The following RELN variants were observed in gnomAD, a reference collection of about 807,000 sequenced individuals.
RELN encodes reelin.
In RELN, 108 loss-of-function variants were observed where a neutral mutation model predicts 427.6. The ratio of observed to expected loss-of-function variants is 0.25; its 90% CI spans 0.22 to 0.30. RELN has a LOEUF of 0.30. Ranked by LOEUF, RELN falls within the 10% of genes least tolerant of loss-of-function variation. RELN has a pLI of 1.00. For synonymous variants in RELN, 1,524 were observed against 1,513.4 expected (o/e 1.01, Z -0.16); for missense variants, 3,715 against 4,302.8 (o/e 0.86, Z 3.82).
intron 7 of RELN, among the ~76,000 whole-genome samples, chr7:103,723,694 G>C (rs1790133688): frequency 6.6e-6 from 1 of 152,160 alleles, no homozygotes; most frequent in African/African-American, 2.4e-5. Flanking sequence ...CTTTGTGGAG[G>C]GGTGTGATGA....
At chr7:103,882,717 T>C (rs986994654) in intron 2 of RELN, among the ~76,000 whole-genome samples, 29 of 152,058 alleles carry the variant, frequency 1.9e-4, no homozygotes, top group Non-Finnish European at 3.4e-4. Flanking sequence ...CCTGGACACA[T>C]ACACCCTCCC....
At chr7:103,498,517 A>G (rs1828914612) in intron 53 of RELN, among the ~76,000 whole-genome samples, 1 of 151,842 alleles carries the variant, frequency 6.6e-6, no homozygotes, top group Non-Finnish European at 1.5e-5. Context: ...TTTGAGACGA[A>G]GTCTTGCTCT....
At chr7:103,739,163 T>C (rs549961732) in intron 6 of RELN, among the ~76,000 whole-genome samples, 2 of 152,188 alleles carry the variant, frequency 1.3e-5, no homozygotes, top group South Asian at 2.1e-4. Context: ...CTGTTAGGTA[T>C]AATTATTTTT....
In RELN at chr7:103,843,208, A is replaced by T. The variant is rs577193043; in HGVS notation, c.338-9536T>A. ...AGATAAAGGAACCAAGACTCAGGAA[A>T]TTTTTTTTTTTTAGGAGACAGGGTC... On this transcript the variant is annotated intron_variant, in intron 2 of 64. Transcript: ENST00000428762. Among the ~76,000 whole-genome samples, 9 of 147,138 alleles carry T rather than the reference A, an allele frequency of 6.1e-5. No individual in the cohort carries two copies. In the South Asian group the frequency reaches 6.5e-4, roughly 11 times the overall value.
At chr7:103,882,268 T>G (rs2116563935) in intron 2 of RELN, among the ~76,000 whole-genome samples, 1 of 152,312 alleles carries the variant, frequency 6.6e-6, no homozygotes, top group South Asian at 2.1e-4. Flanking sequence ...TATTTGCTCT[T>G]GAGTGTGTCC....
chr7:103,884,845 C>G (rs993821426), intron 2 of RELN, among the ~76,000 whole-genome samples: 2 of 152,142 alleles, frequency 1.3e-5, no homozygotes, highest in Admixed American at 6.5e-5. Context: ...GGAGTGTAAA[C>G]TAGTTCAACC....
chr7:103,524,113 C>T (rs375737582), intron 46 of RELN, among the ~76,000 whole-genome samples: 7 of 152,166 alleles, frequency 4.6e-5, no homozygotes, highest in African/African-American at 9.7e-5. Flanking sequence ...GAAACAAAAA[C>T]GAATCCTAAA....
intron 3 of RELN, among the ~76,000 whole-genome samples, chr7:103,818,886 C>T (rs537462281): frequency 1.1e-4 from 16 of 150,950 alleles, no homozygotes; most frequent in Non-Finnish European, 2.1e-4. Flanking sequence ...TGAACACACA[C>T]ATATTTATTG....
rs768408251 is a variant in RELN at position 103,603,255 on chromosome 7, T to G, written c.3333+49A>C. 2.1e-6 allele frequency: 3 copies of G among 1,429,104 alleles called. No individual in the cohort carries two copies. In the South Asian group the frequency reaches 3.4e-5, roughly 16 times the overall value. The allele number at this position is 1,429,104 out of a possible 1,614,324, so 88.5% of individuals were successfully genotyped here. A position where few individuals can be genotyped will look rare whatever the true frequency, so the allele number is the denominator to read the frequency against. ...TGTACATTTGGAATTCAGAGTCTCA[T>G]ATTAAACTAGCCATTGCCCCGATGA... On this transcript the variant is annotated intron_variant, in intron 24 of 64. Transcript: ENST00000428762. The surrounding 1 kb of genome is among the most constrained non-coding windows in gnomAD (Gnocchi z 4.3).
At chr7:103,565,240 C>T in intron 34 of RELN, 38 bp downstream of exon 34, 1 of 1,610,736 alleles carries the variant, frequency 6.2e-7, no homozygotes, top group Non-Finnish European at 8.5e-7. Flanking sequence ...GTGACAGGCA[C>T]CCAAAGTTCT....
At chr7:103,869,759 T>G (rs1180084405) in intron 2 of RELN, among the ~76,000 whole-genome samples, 1 of 152,202 alleles carries the variant, frequency 6.6e-6, no homozygotes, top group Non-Finnish European at 1.5e-5. Flanking sequence ...TAACATTTGC[T>G]GAGCTTCTTG....
At chr7:103,641,989 A>G (rs1402398321) in intron 16 of RELN, among the ~76,000 whole-genome samples, 2 of 152,180 alleles carry the variant, frequency 1.3e-5, no homozygotes, top group African/African-American at 2.4e-5. Context: ...AAAAAGTTGC[A>G]ATTAAGAATT....
chr7:103,490,889 G>C, intron 58 of RELN, 60 bp from the exon 59 acceptor site: 1 of 1,548,322 alleles, frequency 6.5e-7, no homozygotes, highest in East Asian at 2.2e-5. Context: ...ATCTGTTAAT[G>C]TCAAGGTAAT....
chr7:103,802,432 TA>T (rs1792491095), intron 3 of RELN, among the ~76,000 whole-genome samples: 1 of 152,180 alleles, frequency 6.6e-6, no homozygotes, highest in South Asian at 2.1e-4. Context: ...ATTATTACTG[TA>T]AAACAAATCA....
At chr7:103,622,775 C>T (rs79917119) in intron 20 of RELN, among the ~76,000 whole-genome samples, 6,139 of 152,248 alleles carry the variant, frequency 0.04, 172 homozygotes, top group East Asian at 0.14. Flanking sequence ...ATTTCTCTTA[C>T]CCTAACAGCA....
intron 6 of RELN, among the ~76,000 whole-genome samples, chr7:103,734,863 A>G (rs1356575911): frequency 1.3e-5 from 2 of 152,192 alleles, no homozygotes; most frequent in Non-Finnish European, 2.9e-5. Flanking sequence ...TTTCTTAAAA[A>G]CTGTTTTTTC....
intron 11 of RELN, among the ~76,000 whole-genome samples, chr7:103,663,825 G>A (rs1171413345): frequency 6.6e-6 from 1 of 152,160 alleles, no homozygotes; most frequent in Non-Finnish European, 1.5e-5. Context: ...CACTTTAAAT[G>A]CCCAAAATAT....
intron 6 of RELN, among the ~76,000 whole-genome samples, chr7:103,740,520 A>C (rs1185346326): frequency 1.3e-5 from 2 of 152,232 alleles, no homozygotes; most frequent in African/African-American, 4.8e-5. Context: ...AGTTGACATA[A>C]AAAACATTTC....
In RELN at chr7:103,989,276, A is replaced by C. The variant is rs778526287; in HGVS notation, c.81T>G (p.Ala27=). The C allele has an allele frequency of 1.2e-6, 2 of 1,613,250 alleles. No homozygotes were observed. The highest frequency in any genetic ancestry group is 2.2e-5 in the South Asian group (2 of 91,072). The change falls in exon 1 of 65, where the codon GCT becomes GCG. Residue 27 remains alanine (A), a synonymous_variant. Coordinates refer to ENST00000428762, the MANE Select transcript of RELN (RefSeq NM_005045.4). This position sits in a 1 kb window ranked among gnomAD's most constrained non-coding sequence, Gnocchi z 4.9. The part of the protein sequence containing the change: ...LGATLRARAA[A]GYYPRFSPFF... ...AGGGCGAAAAGCGGGGGTAATAGCC[A>C]GCCGCCGCGCGCGCCCTCAGCGTCG...
Sources: gnomAD v4.1 joint callset for allele counts (sites outside exome capture counted in the v4.1 genomes callset) on GRCh38, gnomAD v4.1.1 for gene constraint, Gnocchi (gnomAD v3.1) non-coding constraint, MANE v1.5 for transcripts, NCBI Gene and HGNC (gene_info 2026-07-23, HGNC 2026-07-21) for gene names.